SH3PXD2B: variants seen among roughly 807,000 people sequenced by gnomAD.
The protein encoded by SH3PXD2B is SH3 and PX domains 2B, also known as SH3 and PX domain-containing protein 2B.
SH3PXD2B carries 37 observed loss-of-function variants against 73.1 expected under a neutral mutation model. That is an observed-to-expected ratio of 0.51 (90% CI 0.39 to 0.67). SH3PXD2B has a LOEUF of 0.67. Among genes scored for constraint, SH3PXD2B ranks in the 30% least tolerant of loss-of-function variants. The pLI, the probability that SH3PXD2B is intolerant of heterozygous loss-of-function variation, is 0.00. For missense variants in SH3PXD2B, 1,053 were observed against 1,197.8 expected, an observed-to-expected ratio of 0.88 and a Z score of 1.78; for synonymous variants, 457 against 480.5, an observed-to-expected ratio of 0.95 and a Z score of 0.64.
rs1477629090 is a variant in SH3PXD2B at position 172,353,223 on chromosome 5, A to C, written c.785+665T>G. Among the ~76,000 whole-genome samples the C allele has an allele frequency of 6.6e-6, 1 of 152,166 alleles. No individual in the cohort carries two copies. The stretch of plus-strand genomic sequence containing the variant: ...AAATGGCCCGAATGTCCCGCCACAC[A>C]TCACAGCGCAGACACTAGATTGCAG... On this transcript the variant is annotated intron_variant, in intron 9 of 12. Coordinates refer to ENST00000311601, the MANE Select transcript of SH3PXD2B (RefSeq NM_001017995.3). This position sits in a 1 kb window ranked among gnomAD's most constrained non-coding sequence, Gnocchi z 4.3.
At chr5:172,325,408 C>CA (rs1377027163) in intron 12 of SH3PXD2B, 95 of 1,484,990 alleles carry the variant, frequency 6.4e-5, no homozygotes, top group Non-Finnish European at 7.7e-5. Context: ...GAAAAATCAG[C>CA]AAATCTTCAG....
chr5:172,398,910 G>A (rs1023667503), intron 3 of SH3PXD2B, among the ~76,000 whole-genome samples: 6 of 152,070 alleles, frequency 3.9e-5, no homozygotes, highest in Admixed American at 2.0e-4. Flanking sequence ...TCTGGTTTTC[G>A]CTTCATTACA....
At chr5:172,378,368 C>T (rs1757866240) in intron 5 of SH3PXD2B, among the ~76,000 whole-genome samples, 1 of 152,212 alleles carries the variant, frequency 6.6e-6, no homozygotes, top group Non-Finnish European at 1.5e-5. Flanking sequence ...GTACAGGATT[C>T]TGCACAAATA....
In SH3PXD2B at chr5:172,336,326, T is replaced by G. The variant is rs1309879824; in HGVS notation, c.*2043A>C. On this transcript the variant is annotated 3_prime_UTR_variant, in exon 13 of 13. Transcript: ENST00000311601. ...GGCCTCCTCTCAAGGGAGGGGACCC[T>G]CAAGCGGTGGCGGCCCTTCCCCACC... 2.0e-6 allele frequency: 2 copies of G among 985,482 alleles called. No homozygotes were observed. The highest frequency in any genetic ancestry group is 2.4e-6 in the Non-Finnish European group (2 of 829,994). 61.0% of individuals were successfully genotyped at this position (985,482 alleles called of 1,614,324 possible). A position where few individuals can be genotyped will look rare whatever the true frequency, so the allele number is the denominator to read the frequency against.
Position 172,334,843 on chromosome 5 carries a change from C to T in SH3PXD2B, c.*3526G>A, listed in dbSNP as rs887282089. 5.1e-6 allele frequency: 5 copies of T among 985,482 alleles called. No homozygotes were observed. Among genetic ancestry groups the T allele is most frequent in the Non-Finnish European group, 6.0e-6 (5 of 829,968 alleles). 61.0% of individuals were successfully genotyped at this position (985,482 alleles called of 1,614,324 possible). A position where few individuals can be genotyped will look rare whatever the true frequency, so the allele number is the denominator to read the frequency against. ...CTCTTTAACGTGGCATATGTTCCCC[C>T]ATCTTCCACCTGGTAATGAAATCCT... On this transcript the variant is annotated 3_prime_UTR_variant, in exon 13 of 13. Coordinates refer to ENST00000311601, the MANE Select transcript of SH3PXD2B (RefSeq NM_001017995.3).
chr5:172,439,263 AC>A (rs1217423269), intron 1 of SH3PXD2B, among the ~76,000 whole-genome samples: 8,351 of 81,360 alleles, frequency 0.1, 581 homozygotes, highest in South Asian at 0.19. Context: ...AAAAAAAAAA[AC>A]AAAAACAAAA....
At chr5:172,326,126 T>C (rs1581250794) in intron 12 of SH3PXD2B, among the ~76,000 whole-genome samples, 1 of 152,328 alleles carries the variant, frequency 6.6e-6, no homozygotes, top group East Asian at 1.9e-4. Context: ...CAATGTCACA[T>C]TGGCAACATC....
In SH3PXD2B at chr5:172,335,747, A is replaced by T; in HGVS notation, c.*2622T>A. 1 of 1,231,126 alleles carries T rather than the reference A, an allele frequency of 8.1e-7. No homozygotes were observed. Among genetic ancestry groups the T allele is most frequent in the Non-Finnish European group, 1.0e-6 (1 of 987,760 alleles). 76.3% of individuals were successfully genotyped at this position (1,231,126 alleles called of 1,614,324 possible). ...GGTAAATCTAAGTCCCCAGGCAAGG[A>T]CAGCTAGGAGAGTGACTGGCCACCC... On this transcript the variant is annotated 3_prime_UTR_variant, in exon 13 of 13. Coordinates refer to ENST00000311601, the MANE Select transcript of SH3PXD2B (RefSeq NM_001017995.3).
chr5:172,414,906 T>C (rs1053890933), intron 2 of SH3PXD2B, among the ~76,000 whole-genome samples: 1 of 152,168 alleles, frequency 6.6e-6, no homozygotes, highest in African/African-American at 2.4e-5. Flanking sequence ...GTCCTCTGCA[T>C]GCAATGCCCT....
intron 1 of SH3PXD2B, among the ~76,000 whole-genome samples, chr5:172,452,650 G>A (rs1759821879): frequency 6.6e-6 from 1 of 152,146 alleles, no homozygotes; most frequent in Admixed American, 6.6e-5. Flanking sequence ...GATGATGGCC[G>A]GGCCTCGGTG....
chr5:172,394,682 G>A, intron 3 of SH3PXD2B, 43 bp from the exon 4 acceptor site: 1 of 1,605,450 alleles, frequency 6.2e-7, no homozygotes, highest in African/African-American at 1.3e-5. Context: ...AGGGAACAGG[G>A]ACAAGCTCTC....
intron 6 of SH3PXD2B, among the ~76,000 whole-genome samples, chr5:172,363,306 C>A (rs953624041): frequency 1.3e-5 from 2 of 152,176 alleles, no homozygotes; most frequent in Non-Finnish European, 2.9e-5. Context: ...CATCTCATCA[C>A]CCATCCAAAA....
At chr5:172,370,505 C>G (rs1200278580) in intron 6 of SH3PXD2B, among the ~76,000 whole-genome samples, 1 of 152,176 alleles carries the variant, frequency 6.6e-6, no homozygotes, top group Admixed American at 6.5e-5. Flanking sequence ...GAGGGGAGAG[C>G]GCTCTGGGCT....
chr5:172,358,001 T>G (rs1317501086), intron 8 of SH3PXD2B, among the ~76,000 whole-genome samples: 1 of 152,364 alleles, frequency 6.6e-6, no homozygotes, highest in Non-Finnish European at 1.5e-5. Flanking sequence ...TCTTTGCATG[T>G]GGATCTCATT....
At chr5:172,418,999 G>A (rs945866973) in intron 2 of SH3PXD2B, among the ~76,000 whole-genome samples, 2 of 152,154 alleles carry the variant, frequency 1.3e-5, no homozygotes, top group African/African-American at 4.8e-5. Flanking sequence ...GCAGAGGGAC[G>A]GCTGACAGCT....
chr5:172,429,338 G>A lies in SH3PXD2B; in HGVS notation c.76-6842C>T, dbSNP rs537618610. Reference sequence around the variant, plus strand: ...CACCCCCGCCCCTTGGGAGCAACATGTTTTGGGGGAGCAGCTGGGACTGCT... The same window carrying A: ...CACCCCCGCCCCTTGGGAGCAACATATTTTGGGGGAGCAGCTGGGACTGCT... On this transcript the variant is annotated intron_variant, in intron 1 of 12. Coordinates refer to ENST00000311601, the MANE Select transcript of SH3PXD2B (RefSeq NM_001017995.3). Among the ~76,000 whole-genome samples, 10 of 61,196 alleles carry A rather than the reference G, an allele frequency of 1.6e-4. No individual in the cohort carries two copies. In the East Asian group the frequency reaches 0.012, roughly 74 times the overall value. 40.1% of individuals were successfully genotyped at this position (61,196 alleles called of 152,430 possible). A position where few individuals can be genotyped will look rare whatever the true frequency, so the allele number is the denominator to read the frequency against.
intron 10 of SH3PXD2B, among the ~76,000 whole-genome samples, 174 bp downstream of exon 10, chr5:172,350,189 G>T (rs772178226): frequency 2.0e-5 from 3 of 152,142 alleles, no homozygotes; most frequent in Non-Finnish European, 4.4e-5. Flanking sequence ...TGCAATTCAC[G>T]GGCTGAATGA....
intron 11 of SH3PXD2B, 135 bp from the exon 12 acceptor site, chr5:172,346,396 CA>C: frequency 1.5e-6 from 2 of 1,370,418 alleles, no homozygotes; most frequent in Non-Finnish European, 2.0e-6. Flanking sequence ...TTCTAAGGGA[CA>C]ACACAAATAG....
chr5:172,362,854 G>A lies in SH3PXD2B; in HGVS notation c.443C>T (p.Ser148Leu), dbSNP rs139843395. ...GKKKSGGDQT[S>L]VDPMVLEQYV... ...CTGCTCCAGGACCATGGGGTCCACT[G>A]AGGTTTGGTCACCCCCTGTGGATAG... Residue 148 changes from serine (S) to leucine (L), a missense_variant, in exon 7 of 13, where the codon TCA (serine) becomes TTA (leucine). By Grantham distance (145) the Ser-to-Leu change is moderately radical. Around this residue, in one of 2 missense-constraint regions of SH3PXD2B, gnomAD observed 466 missense variants for 607.1 expected, o/e 0.77. Coordinates refer to ENST00000311601, the MANE Select transcript of SH3PXD2B (RefSeq NM_001017995.3). The A allele has an allele frequency of 8.7e-5, 140 of 1,614,062 alleles. No homozygotes were observed. Among genetic ancestry groups the A allele is most frequent in the Non-Finnish European group, 1.1e-4 (135 of 1,180,050 alleles).
Sources: allele counts gnomAD v4.1 joint callset (sites outside exome capture counted in the v4.1 genomes callset), GRCh38; gene constraint gnomAD v4.1.1; regional missense constraint gnomAD v4.1.1; non-coding constraint Gnocchi (gnomAD v3.1); transcripts MANE v1.5; gene names NCBI Gene and HGNC (gene_info 2026-07-23, HGNC 2026-07-21).